Variants in POU6F2 observed in about 807,000 individuals in gnomAD.
POU6F2 encodes the protein POU class 6 homeobox 2, also known as POU domain, class 6, transcription factor 2.
Under a neutral mutation model 71.3 loss-of-function variants are expected in POU6F2, and 31 were observed. The ratio of observed to expected loss-of-function variants is 0.43; its 90% CI spans 0.33 to 0.59. POU6F2 has a LOEUF of 0.59. Ranked by LOEUF, POU6F2 falls within the 20% of genes least tolerant of loss-of-function variation. POU6F2 has a pLI of 0.04. For synonymous variants in POU6F2, 347 were observed against 355.7 expected, an observed-to-expected ratio of 0.98 and a Z score of 0.27; for missense variants, 783 against 856.8, an observed-to-expected ratio of 0.91 and a Z score of 1.07.
Position 39,182,861 on chromosome 7 carries a change from C to G in POU6F2, c.278-21374C>G, listed in dbSNP as rs188433296. 6.6e-5 allele frequency among the ~76,000 whole-genome samples: 10 copies of G among 152,102 alleles called. No individual in the cohort carries two copies. In the South Asian group the frequency reaches 1.5e-3, roughly 22 times the overall value. ...TGGTATCAACATCACCATCAGAGTC[C>G]GATAGGCACTTTACACTTAGTATGC... On this transcript the variant is annotated intron_variant, in intron 2 of 9. Coordinates refer to ENST00000518318, the MANE Select transcript of POU6F2 (RefSeq NM_001370959.1).
intron 1 of POU6F2, among the ~76,000 whole-genome samples, chr7:39,041,308 T>C (rs960774984): frequency 1.3e-5 from 2 of 152,042 alleles, no homozygotes; most frequent in African/African-American, 2.4e-5. Context: ...AGAAGTATGA[T>C]GCTTATATAA....
At chr7:39,418,427 C>T (rs372427973) in intron 6 of POU6F2, among the ~76,000 whole-genome samples, 3 of 152,160 alleles carry the variant, frequency 2.0e-5, no homozygotes, top group South Asian at 2.1e-4. Context: ...CGGTGGCTCA[C>T]GCCTGTAATC....
At chr7:39,289,869 G>A (rs925551131) in intron 4 of POU6F2, among the ~76,000 whole-genome samples, 6 of 152,090 alleles carry the variant, frequency 3.9e-5, no homozygotes, top group South Asian at 2.1e-4. Flanking sequence ...TCTCTGGACC[G>A]TGTTCCTCCT....
Position 39,223,491 on chromosome 7 carries a change from C to T in POU6F2, c.598+15871C>T, listed in dbSNP as rs150567605. ...TACAGTTAAAGGCTACACTGGACAA[C>T]AAATAAAATACTTAGAGATTTGAGG... On this transcript the variant is annotated intron_variant, in intron 4 of 9. Coordinates refer to ENST00000518318, the MANE Select transcript of POU6F2 (RefSeq NM_001370959.1). 1.5e-4 allele frequency among the ~76,000 whole-genome samples: 23 copies of T among 152,272 alleles called. No homozygotes were observed. The East Asian group carries it at 3.1e-3, about 20-fold the overall frequency.
At chr7:39,070,224 G>T (rs529186627) in intron 1 of POU6F2, among the ~76,000 whole-genome samples, 1 of 152,256 alleles carries the variant, frequency 6.6e-6, no homozygotes, top group African/African-American at 2.4e-5. Flanking sequence ...AGAAAAAAAT[G>T]ACTTAAATTT....
intron 7 of POU6F2, among the ~76,000 whole-genome samples, chr7:39,442,144 T>C (rs752430779): frequency 1.1e-4 from 17 of 152,136 alleles, no homozygotes; most frequent in Non-Finnish European, 2.4e-4. Flanking sequence ...AAAAAATCTA[T>C]TTAATGGAAA....
At chr7:39,356,061 A>G (rs1786249540) in intron 5 of POU6F2, among the ~76,000 whole-genome samples, 1 of 151,858 alleles carries the variant, frequency 6.6e-6, no homozygotes, top group Non-Finnish European at 1.5e-5. Context: ...TTTCCCACCT[A>G]CTCTGGCCCC....
intron 5 of POU6F2, among the ~76,000 whole-genome samples, chr7:39,361,526 A>AT (rs1786388952): frequency 6.6e-6 from 1 of 152,176 alleles, no homozygotes; most frequent in African/African-American, 2.4e-5. Context: ...GCATTTGGGG[A>AT]TTTTCAGAAA....
At chr7:39,018,774 AAGT>A (rs1789616346) in intron 1 of POU6F2, among the ~76,000 whole-genome samples, 1 of 152,206 alleles carries the variant, frequency 6.6e-6, no homozygotes, top group African/African-American at 2.4e-5. Context: ...GTGCCACTAA[AAGT>A]AGAAATACAA....
At chr7:39,035,884 G>A (rs534234603) in intron 1 of POU6F2, among the ~76,000 whole-genome samples, 4 of 151,734 alleles carry the variant, frequency 2.6e-5, no homozygotes, top group African/African-American at 9.7e-5. Flanking sequence ...CACACTGTCC[G>A]CCACAGGTCC....
intron 4 of POU6F2, among the ~76,000 whole-genome samples, chr7:39,338,811 G>A (rs1365360661): frequency 2.0e-5 from 3 of 152,166 alleles, no homozygotes; most frequent in Non-Finnish European, 4.4e-5. Flanking sequence ...GGGCATGTGA[G>A]AACAAATTTT....
At chr7:39,164,125 G>A (rs1793058366) in intron 2 of POU6F2, among the ~76,000 whole-genome samples, 2 of 151,866 alleles carry the variant, frequency 1.3e-5, no homozygotes, top group African/African-American at 4.8e-5. Context: ...TAACTATAAT[G>A]TGTACATTCA....
chr7:39,352,872 A>G (rs1330087583), intron 5 of POU6F2, among the ~76,000 whole-genome samples: 1 of 152,156 alleles, frequency 6.6e-6, no homozygotes, highest in African/African-American at 2.4e-5. Context: ...GTGCCCAAAA[A>G]AAGGAACTTT....
At chr7:39,176,176 C>T (rs1283681479) in intron 2 of POU6F2, among the ~76,000 whole-genome samples, 1 of 152,192 alleles carries the variant, frequency 6.6e-6, no homozygotes, top group Non-Finnish European at 1.5e-5. Context: ...CCAGTCTCCT[C>T]TACCACCTGC....
intron 1 of POU6F2, among the ~76,000 whole-genome samples, chr7:39,006,458 A>G (rs1261582107): frequency 6.6e-6 from 1 of 152,124 alleles, no homozygotes; most frequent in Middle Eastern, 3.2e-3. Flanking sequence ...AGCAAGACTC[A>G]GTCTCAAAAA....
At chr7:39,128,906 G>T (rs1194030555) in intron 2 of POU6F2, among the ~76,000 whole-genome samples, 1 of 152,144 alleles carries the variant, frequency 6.6e-6, no homozygotes, top group Non-Finnish European at 1.5e-5. Flanking sequence ...GAGTATATTA[G>T]ACTCTAAGAA....
At chr7:39,401,415 AATG>A (rs1787300990) in intron 5 of POU6F2, among the ~76,000 whole-genome samples, 1 of 152,196 alleles carries the variant, frequency 6.6e-6, no homozygotes, top group Non-Finnish European at 1.5e-5. Flanking sequence ...ACACAACAAT[AATG>A]ATGAGACCCG....
intron 1 of POU6F2, among the ~76,000 whole-genome samples, chr7:38,998,022 A>G (rs1299484718): frequency 6.6e-6 from 1 of 152,196 alleles, no homozygotes; most frequent in African/African-American, 2.4e-5. Context: ...GTCTCTAAGC[A>G]TAAGATCTTG....
intron 4 of POU6F2, among the ~76,000 whole-genome samples, chr7:39,246,479 G>C (rs1783823292): frequency 6.6e-6 from 1 of 152,162 alleles, no homozygotes; most frequent in Admixed American, 6.5e-5. Flanking sequence ...TGGAAGATGT[G>C]ACCAAGTGGT....
Sources: gnomAD v4.1 joint callset for allele counts (sites outside exome capture counted in the v4.1 genomes callset) on GRCh38, gnomAD v4.1.1 for gene constraint, MANE v1.5 for transcripts, NCBI Gene and HGNC (gene_info 2026-07-23, HGNC 2026-07-21) for gene names.